The following RALGPS1 variants were observed in gnomAD, a reference collection of about 807,000 sequenced individuals.
RALGPS1 encodes ras-specific guanine nucleotide-releasing factor RalGPS1.
A neutral mutation model predicts 78.8 loss-of-function variants in RALGPS1; 19 were observed. The ratio of observed to expected loss-of-function variants is 0.24; its 90% confidence interval spans 0.17 to 0.35. The LOEUF (loss-of-function observed/expected upper bound fraction) is 0.35. RALGPS1 is among the 10% of genes least tolerant of loss of function. The pLI is 1.00. For missense variants in RALGPS1, 454 were observed against 688.3 expected, an observed-to-expected ratio of 0.66 and a Z score of 3.81; for synonymous variants, 228 against 256.3, an observed-to-expected ratio of 0.89 and a Z score of 1.06.
At chr9:127,164,395 G>A (rs956376535) in intron 8 of RALGPS1, among the ~76,000 whole-genome samples, 4 of 151,512 alleles carry the variant, frequency 2.6e-5, no homozygotes, top group African/African-American at 7.3e-5. Flanking sequence ...ACCACCACAC[G>A]TGACTAATTC....
intron 2 of RALGPS1, among the ~76,000 whole-genome samples, chr9:126,962,701 A>G (rs923557736): frequency 2.6e-5 from 4 of 152,256 alleles, no homozygotes; most frequent in Non-Finnish European, 4.4e-5. Flanking sequence ...GACAGAAGTC[A>G]TTCCAACTGG....
chr9:127,178,049 T>G, intron 11 of RALGPS1: 1 of 1,468,618 alleles, frequency 6.8e-7, no homozygotes, highest in South Asian at 1.2e-5. Flanking sequence ...CCCAGGGTCC[T>G]GGGGAGGGTG....
At chr9:127,142,001 A>C (rs1039618104) in intron 8 of RALGPS1, among the ~76,000 whole-genome samples, 1 of 152,228 alleles carries the variant, frequency 6.6e-6, no homozygotes, top group African/African-American at 2.4e-5. Context: ...TGTTTTCCAC[A>C]TTCCTTTGTA....
rs1488958814 is a variant in RALGPS1, at chr9:127,183,746, C to T, written c.910+8964C>T. The T allele has an allele frequency of 3.6e-6, 3 of 832,704 alleles. No individual in the cohort carries two copies. Among genetic ancestry groups the T allele is most frequent in the Admixed American group, 2.6e-5 (1 of 38,080 alleles). 51.6% of individuals were successfully genotyped at this position (832,704 alleles called of 1,614,324 possible). A position where few individuals can be genotyped will look rare whatever the true frequency, so the allele number is the denominator to read the frequency against. On this transcript the variant is annotated intron_variant, in intron 11 of 18. Coordinates refer to ENST00000259351, the MANE Select transcript of RALGPS1 (RefSeq NM_014636.3). The surrounding 1 kb of genome is among the most constrained non-coding windows in gnomAD (Gnocchi z 4.0). ...GTGCTCCTCTCTCTGGAAACATACTCTCTCTGCCCGTTTATATTTTCGGAA... is the reference window on the plus strand; with the variant it reads ...GTGCTCCTCTCTCTGGAAACATACTTTCTCTGCCCGTTTATATTTTCGGAA...
At chr9:127,007,462 T>C (rs2133806853) in intron 4 of RALGPS1, among the ~76,000 whole-genome samples, 1 of 152,182 alleles carries the variant, frequency 6.6e-6, no homozygotes, top group East Asian at 1.9e-4. Flanking sequence ...TAATAAAGAA[T>C]GGTAGGGGCT....
chr9:127,199,898 G>GCACA (rs139075098), intron 14 of RALGPS1, among the ~76,000 whole-genome samples: 1 of 145,836 alleles, frequency 6.9e-6, no homozygotes, highest in Non-Finnish European at 1.6e-5. Context: ...AGGGCCCTGG[G>GCACA]CACACACACA....
rs532594751 is a variant in RALGPS1 at position 126,949,261 on chromosome 9, C to T, written c.-65-12964C>T. 8.5e-5 allele frequency among the ~76,000 whole-genome samples: 13 copies of T among 152,196 alleles called. No homozygotes were observed. In the East Asian group the frequency reaches 1.2e-3, roughly 14 times the overall value. On this transcript the variant is annotated intron_variant, in intron 1 of 18. Transcript: ENST00000259351. ...AAGTCTTTGCTATTGTGAATAGTGCCGCAATAAACATAGGTGTGCATGTGT... is the reference window on the plus strand; with the variant it reads ...AAGTCTTTGCTATTGTGAATAGTGCTGCAATAAACATAGGTGTGCATGTGT...
chr9:127,214,935 C>A, intron 18 of RALGPS1, 93 bp downstream of exon 18: 1 of 1,576,484 alleles, frequency 6.3e-7, no homozygotes, highest in Non-Finnish European at 8.6e-7. Context: ...CTTCTTCTTT[C>A]AGAGCCCATT....
In RALGPS1 at chr9:127,196,576, C is replaced by A. The variant is rs774194669; in HGVS notation, c.1140C>A (p.Pro380=). The change falls in exon 13 of 19, where the codon CCC becomes CCA. Residue 380 remains proline, a synonymous_variant. Transcript: ENST00000259351. ...ACAGTGTCCTAGAGTCCCGCAGCCC[C>A]CGAAGGGGCCTGGCTCTGACCTCCT... The part of the protein sequence containing the change: ...LDDSVLESRS[P]RRGLALTSSS... 26 of 1,613,934 alleles carry A rather than the reference C, an allele frequency of 1.6e-5. No homozygotes were observed. The South Asian group carries it at 2.7e-4, about 17-fold the overall frequency.
rs1283260078 is a variant in RALGPS1 at position 127,211,326 on chromosome 9, C to T, written c.1248-805C>T. 6.6e-6 allele frequency among the ~76,000 whole-genome samples: 1 copy of T among 152,228 alleles called. No homozygotes were observed. Among genetic ancestry groups the T allele is most frequent in the African/African-American group, 2.4e-5 (1 of 41,522 alleles). On this transcript the variant is annotated intron_variant, in intron 14 of 18. Transcript: ENST00000259351. The surrounding 1 kb of genome is among the most constrained non-coding windows in gnomAD (Gnocchi z 5.0). ...ACTGGCCGGTGTGGACCCAGGAAGGCCCGTGGAGCGCACTGGGCAGTGGCT... is the reference window on the plus strand; with the variant it reads ...ACTGGCCGGTGTGGACCCAGGAAGGTCCGTGGAGCGCACTGGGCAGTGGCT...
chr9:127,118,833 T>C (rs557948268), intron 8 of RALGPS1, among the ~76,000 whole-genome samples: 6 of 152,360 alleles, frequency 3.9e-5, no homozygotes, highest in Non-Finnish European at 7.3e-5. Context: ...AGTTGCTGAA[T>C]GTACCTGCTT....
At chr9:127,069,191 C>G (rs2049971791) in intron 7 of RALGPS1, 39 bp from the exon 8 acceptor site, 1 of 1,557,012 alleles carries the variant, frequency 6.4e-7, no homozygotes, top group Non-Finnish European at 8.8e-7. Flanking sequence ...TTAGCTTCTT[C>G]TGGTTTACTT....
chr9:127,054,996 T>TGAGAGAGAGAGAGAGAGAGAGAGAGA (rs10555826), intron 7 of RALGPS1, among the ~76,000 whole-genome samples: 1 of 139,114 alleles, frequency 7.2e-6, no homozygotes, highest in African/African-American at 2.8e-5. Context: ...AGAGATTGAT[T>TGAGAGAGAGAGAGAGAGAGAGAGAGA]GAGAGAGAGA....
intron 4 of RALGPS1, among the ~76,000 whole-genome samples, chr9:127,022,792 C>CAGGCATGGAGT (rs1406387866): frequency 6.6e-6 from 1 of 152,196 alleles, no homozygotes; most frequent in Non-Finnish European, 1.5e-5. Flanking sequence ...GCCAGCTTGT[C>CAGGCATGGAGT]AGACAGGCCT....
At chr9:127,059,925 C>T (rs2049058592) in intron 7 of RALGPS1, among the ~76,000 whole-genome samples, 1 of 152,080 alleles carries the variant, frequency 6.6e-6, no homozygotes, top group Non-Finnish European at 1.5e-5. Flanking sequence ...CACACAAACA[C>T]AAGTTCTGGA....
intron 8 of RALGPS1, among the ~76,000 whole-genome samples, chr9:127,152,135 A>G (rs4836558): frequency 0.98 from 148,573 of 152,302 alleles, 72,476 homozygotes; most frequent in East Asian, 1. Context: ...TATCACAGAA[A>G]CCTTGTCTTC....
intron 1 of RALGPS1, among the ~76,000 whole-genome samples, chr9:126,916,220 C>T (rs746440952): frequency 2.0e-5 from 3 of 152,236 alleles, no homozygotes; most frequent in Admixed American, 2.0e-4. Flanking sequence ...GAGACTAGAC[C>T]ACTGTCTTTT....
intron 7 of RALGPS1, among the ~76,000 whole-genome samples, chr9:127,063,880 AATTGGGT>A (rs531892998): frequency 7.8e-4 from 119 of 152,322 alleles, no homozygotes; most frequent in African/African-American, 2.8e-3. Flanking sequence ...TTTTCCAAGT[AATTGGGT>A]TTTTCAGTTA....
intron 4 of RALGPS1, among the ~76,000 whole-genome samples, chr9:127,002,373 G>A (rs1315142297): frequency 6.6e-6 from 1 of 150,528 alleles, no homozygotes; most frequent in Admixed American, 6.6e-5. Context: ...TTTTTCAATG[G>A]TGATGGATAT....
Sources: gnomAD v4.1 joint callset for allele counts (sites outside exome capture counted in the v4.1 genomes callset) on GRCh38, gnomAD v4.1.1 for gene constraint, Gnocchi (gnomAD v3.1) non-coding constraint, MANE v1.5 for transcripts, NCBI Gene and HGNC (gene_info 2026-07-23, HGNC 2026-07-21) for gene names.